EGLN1: variants seen among roughly 807,000 people sequenced by gnomAD.
EGLN1 encodes egl-9 family hypoxia inducible factor 1, also known as egl nine homolog 1.
In EGLN1, 17 loss-of-function variants were observed where a neutral mutation model predicts 38.3. The observed-to-expected ratio is 0.44, with a 90% CI of 0.30 to 0.67. The LOEUF is 0.67. Ranked by LOEUF, EGLN1 falls within the 30% of genes least tolerant of loss-of-function variation. The pLI, the probability that EGLN1 is intolerant of heterozygous loss-of-function variation, is 0.08. For missense variants in EGLN1, 477 were observed against 603.3 expected, an observed-to-expected ratio of 0.79 and a Z score of 2.19; for synonymous variants, 283 against 257.5, an observed-to-expected ratio of 1.10 and a Z score of -0.95.
chr1:231,415,055 G>A (rs927398234), intron 1 of EGLN1, among the ~76,000 whole-genome samples: 1 of 152,052 alleles, frequency 6.6e-6, no homozygotes, highest in Non-Finnish European at 1.5e-5. Flanking sequence ...AGGATCATTT[G>A]AGGCCAACAG....
chr1:231,364,893 C>T lies in EGLN1; in HGVS notation c.*1518G>A, dbSNP rs1572012359. 1 of 152,126 alleles carries T rather than the reference C, an allele frequency of 6.6e-6. No individual in the cohort carries two copies. The highest frequency in any genetic ancestry group is 6.5e-5 in the Admixed American group (1 of 15,274). The allele number at this position is 152,126 out of a possible 1,614,324, so 9.4% of individuals were successfully genotyped here. A position where few individuals can be genotyped will look rare whatever the true frequency, so the allele number is the denominator to read the frequency against. On this transcript the variant is annotated 3_prime_UTR_variant, in exon 5 of 5. Transcript: ENST00000366641. ...CTAGGAAAGTGAAGTCTAAGACATC[C>T]GTCCCAATTCATTCTTTAAATAACA...
intron 1 of EGLN1, among the ~76,000 whole-genome samples, chr1:231,406,262 G>A (rs902162580): frequency 2.0e-5 from 3 of 151,908 alleles, no homozygotes; most frequent in African/African-American, 7.3e-5. Context: ...GTGGGAGCAG[G>A]GGACAGGACA....
intron 1 of EGLN1, among the ~76,000 whole-genome samples, chr1:231,420,527 C>T (rs909794513): frequency 2.0e-5 from 3 of 152,118 alleles, no homozygotes; most frequent in Non-Finnish European, 2.9e-5. Flanking sequence ...CCTAACTGAA[C>T]ACAGCGTTTG....
At position 231,409,574 on chromosome 1, in the gene EGLN1, A is replaced by G. The variant is rs190721946; in HGVS notation, c.891+11424T>C. 8.7e-4 allele frequency among the ~76,000 whole-genome samples: 133 copies of G among 152,294 alleles called. 1 individual carries two copies. Among genetic ancestry groups the G allele is most frequent in the Middle Eastern group, 6.8e-3 (2 of 294 alleles). On this transcript the variant is annotated intron_variant, in intron 1 of 4. Transcript: ENST00000366641. ...GGCTTACCAATCCTCATTCCTTCCA[A>G]CAAGAGGAAACTTCAGTCTTAATCA...
At chr1:231,418,988 C>G (rs982078509) in intron 1 of EGLN1, among the ~76,000 whole-genome samples, 3 of 152,104 alleles carry the variant, frequency 2.0e-5, no homozygotes, top group Non-Finnish European at 2.9e-5. Flanking sequence ...TTCCACAAAG[C>G]AAACACCCTT....
intron 1 of EGLN1, among the ~76,000 whole-genome samples, chr1:231,393,567 T>C (rs1002355203): frequency 4.6e-5 from 7 of 152,210 alleles, no homozygotes; most frequent in African/African-American, 1.4e-4. Context: ...CTCAGTCTTC[T>C]TCATAACAAT....
At chr1:231,371,157 T>TG (rs1469167147) in intron 2 of EGLN1, among the ~76,000 whole-genome samples, 2 of 152,222 alleles carry the variant, frequency 1.3e-5, no homozygotes, top group Non-Finnish European at 2.9e-5. Context: ...CCCAAAGTGC[T>TG]GGTATTACAG....
chr1:231,389,670 C>T (rs530454412), intron 1 of EGLN1, among the ~76,000 whole-genome samples: 22 of 151,964 alleles, frequency 1.4e-4, no homozygotes, highest in Middle Eastern at 3.4e-3. Flanking sequence ...GGGCTCTGAC[C>T]GGGTGCGGTG....
At chr1:231,374,381 T>G (rs765117841) in intron 1 of EGLN1, among the ~76,000 whole-genome samples, 2 of 152,170 alleles carry the variant, frequency 1.3e-5, no homozygotes, top group Non-Finnish European at 2.9e-5. Flanking sequence ...ATACAGATAA[T>G]CAAGATCAAG....
intron 1 of EGLN1, among the ~76,000 whole-genome samples, chr1:231,375,072 G>GT (rs1266774987): frequency 1.3e-5 from 2 of 152,246 alleles, no homozygotes; most frequent in East Asian, 1.9e-4. Context: ...GTTTTTGTTT[G>GT]TTTTTTTACA....
In EGLN1 at chr1:231,392,039, G is replaced by C. The variant is rs187543638; in HGVS notation, c.892-17940C>G. Among the ~76,000 whole-genome samples, 56 of 152,170 alleles carry C rather than the reference G, an allele frequency of 3.7e-4. 1 individual carries two copies. Among genetic ancestry groups the C allele is most frequent in the African/African-American group, 1.3e-3 (55 of 41,448 alleles). ...GCGGTGGCTCACGCCTGTAATCCCAGCGCTTTGGGAGGCCTAGGCGGGCGG... is the reference window on the plus strand; with the variant it reads ...GCGGTGGCTCACGCCTGTAATCCCACCGCTTTGGGAGGCCTAGGCGGGCGG... On this transcript the variant is annotated intron_variant, in intron 1 of 4. Transcript: ENST00000366641.
chr1:231,378,240 C>T (rs986112950), intron 1 of EGLN1, among the ~76,000 whole-genome samples: 8 of 151,952 alleles, frequency 5.3e-5, no homozygotes, highest in African/African-American at 1.9e-4. Flanking sequence ...AAGAATAACA[C>T]GAAAAATACC....
At chr1:231,369,841 T>C (rs2790894) in intron 3 of EGLN1, among the ~76,000 whole-genome samples, 1 of 151,878 alleles carries the variant, frequency 6.6e-6, no homozygotes, top group Admixed American at 6.6e-5. Flanking sequence ...TATTTTTTTT[T>C]AATGTGCTAT....
chr1:231,369,520 G>A lies in EGLN1; in HGVS notation c.1148+1042C>T, dbSNP rs1350247930. On this transcript the variant is annotated intron_variant, in intron 3 of 4. Coordinates refer to ENST00000366641, the MANE Select transcript of EGLN1 (RefSeq NM_022051.3). ...CATGGGATTGAAAAGGGCACATCAT[G>A]TGATGTGACAGTCTTTCTTTGGTTT... 3 of 946,528 alleles carry A rather than the reference G, an allele frequency of 3.2e-6. No homozygotes were observed. In the African/African-American group the frequency reaches 5.3e-5, roughly 17 times the overall value. 58.6% of individuals were successfully genotyped at this position (946,528 alleles called of 1,614,324 possible). A position where few individuals can be genotyped will look rare whatever the true frequency, so the allele number is the denominator to read the frequency against.
intron 2 of EGLN1, among the ~76,000 whole-genome samples, chr1:231,373,550 T>A (rs1687881071): frequency 6.6e-6 from 1 of 152,146 alleles, no homozygotes; most frequent in South Asian, 2.1e-4. Flanking sequence ...AAAATGCATA[T>A]CTTTAACATT....
rs1449081254 is a variant in EGLN1 at position 231,366,313 on chromosome 1, G to GGCC, written c.*97_*98insGGC. The GGCC allele has an allele frequency of 2.2e-6, 3 of 1,349,238 alleles. No homozygotes were observed. Among genetic ancestry groups the GGCC allele is most frequent in the Non-Finnish European group, 3.2e-6 (3 of 948,992 alleles). The allele number at this position is 1,349,238 out of a possible 1,614,324, so 83.6% of individuals were successfully genotyped here. On this transcript the variant is annotated 3_prime_UTR_variant, in exon 5 of 5. Transcript: ENST00000366641. ...CTGTTTCCTTATTAAAATGCGAACT[G>GGCC]GTTGTCTATTTTTCTTTATCCCATT...
At chr1:231,387,955 A>G (rs1688263454) in intron 1 of EGLN1, among the ~76,000 whole-genome samples, 1 of 152,174 alleles carries the variant, frequency 6.6e-6, no homozygotes, top group African/African-American at 2.4e-5. Context: ...TCTTTATGTC[A>G]CAATGTTTGC....
intron 1 of EGLN1, among the ~76,000 whole-genome samples, chr1:231,400,112 G>C (rs139210060): frequency 6.6e-6 from 1 of 152,074 alleles, no homozygotes; most frequent in African/African-American, 2.4e-5. Flanking sequence ...TGCTTTGCAA[G>C]CTTATAGGTT....
chr1:231,369,796 G>GA (rs1165345253), intron 3 of EGLN1, among the ~76,000 whole-genome samples: 2 of 152,080 alleles, frequency 1.3e-5, no homozygotes, highest in African/African-American at 4.8e-5. Flanking sequence ...CTCACTATCA[G>GA]AATGTTCCAA....
Sources: gnomAD v4.1 joint callset for allele counts (sites outside exome capture counted in the v4.1 genomes callset) on GRCh38, gnomAD v4.1.1 for gene constraint, MANE v1.5 for transcripts, NCBI Gene and HGNC (gene_info 2026-07-23, HGNC 2026-07-21) for gene names.